The following ASB18 variants were observed in gnomAD, a reference collection of about 807,000 sequenced individuals.
ASB18 encodes ankyrin repeat and SOCS box protein 18.
A neutral mutation model predicts 33.4 loss-of-function variants in ASB18; 33 were observed. The observed-to-expected ratio is 0.99, with a 90% CI of 0.75 to 1.32. The LOEUF (loss-of-function observed/expected upper bound fraction) is 1.32. ASB18 is among the 40% of genes most tolerant of loss of function. The pLI, the probability that ASB18 is intolerant of heterozygous loss-of-function variation, is 0.00. For synonymous variants in ASB18, 295 were observed against 307.6 expected (o/e 0.96, Z 0.43); for missense variants, 694 against 655.5 (o/e 1.06, Z -0.64).
At chr2:236,197,257 C>CA (rs2060378670) in intron 4 of ASB18, among the ~76,000 whole-genome samples, 1 of 152,134 alleles carries the variant, frequency 6.6e-6, no homozygotes, top group African/African-American at 2.4e-5. Flanking sequence ...CATATACAAT[C>CA]AGTGTTTAAA....
rs1290937468 is a variant in ASB18 at position 236,248,490 on chromosome 2, G to A, written c.206-7088C>T. ...CGCCTGTAGTCCCAGCTTCTTGGGAGGCTGAGGCAGGAGAATTGCTTGAAC... is the reference window on the plus strand; with the variant it reads ...CGCCTGTAGTCCCAGCTTCTTGGGAAGCTGAGGCAGGAGAATTGCTTGAAC... On this transcript the variant is annotated intron_variant, in intron 1 of 5. Coordinates refer to ENST00000409749, the MANE Select transcript of ASB18 (RefSeq NM_212556.4). This position sits in a 1 kb window ranked among gnomAD's most constrained non-coding sequence, Gnocchi z 4.9. 6.6e-6 allele frequency: 1 copy of A among 152,284 alleles called. No individual in the cohort carries two copies. The highest frequency in any genetic ancestry group is 1.5e-5 in the Non-Finnish European group (1 of 68,156). The allele number at this position is 152,284 out of a possible 1,614,324, so 9.4% of individuals were successfully genotyped here. A position where few individuals can be genotyped will look rare whatever the true frequency, so the allele number is the denominator to read the frequency against.
At position 236,230,660 on chromosome 2, in the gene ASB18, T is replaced by C. The variant is rs1576403978; in HGVS notation, c.596+7029A>G. 3.3e-5 allele frequency among the ~76,000 whole-genome samples: 5 copies of C among 151,010 alleles called. No homozygotes were observed. The South Asian group carries it at 1.1e-3, about 32-fold the overall frequency. ...GAAGTAGAATAGTATTACCTGAGGG[T>C]AGAGTGTGATAAAATAAAGATGTAT... is the stretch of plus-strand genomic sequence containing the variant. On this transcript the variant is annotated intron_variant, in intron 3 of 5. Coordinates refer to ENST00000409749, the MANE Select transcript of ASB18 (RefSeq NM_212556.4).
Position 236,200,424 on chromosome 2 carries a change from T to C in ASB18, c.1102-4039A>G, listed in dbSNP as rs532705795. On this transcript the variant is annotated intron_variant, in intron 4 of 5. Coordinates refer to ENST00000409749, the MANE Select transcript of ASB18 (RefSeq NM_212556.4). The surrounding 1 kb of genome is among the most constrained non-coding windows in gnomAD (Gnocchi z 4.2). The stretch of plus-strand genomic sequence containing the variant: ...TTGATACAGGAACTATTTAACCAGA[T>C]GTGGGTACAAGGAAACTGACAAGGG... Among the ~76,000 whole-genome samples, 1 of 152,138 alleles carries C rather than the reference T, an allele frequency of 6.6e-6. No individual in the cohort carries two copies. The highest frequency in any genetic ancestry group is 1.5e-5 in the Non-Finnish European group (1 of 68,026).
Position 236,193,835 on chromosome 2 carries a change from T to C in ASB18, c.*1037A>G, listed in dbSNP as rs536515702. 2.0e-5 allele frequency among the ~76,000 whole-genome samples: 3 copies of C among 152,196 alleles called. No homozygotes were observed. The highest frequency in any genetic ancestry group is 6.5e-5 in the Admixed American group (1 of 15,284). The stretch of plus-strand genomic sequence containing the variant: ...TTCCTGGGCAAGGCCACTGTCTGTA[T>C]GGGTTTTCTCTGGGTGCTCCAGTTC... On this transcript the variant is annotated 3_prime_UTR_variant, in exon 6 of 6. Coordinates refer to ENST00000409749, the MANE Select transcript of ASB18 (RefSeq NM_212556.4). This position sits in a 1 kb window ranked among gnomAD's most constrained non-coding sequence, Gnocchi z 5.0.
Position 236,237,820 on chromosome 2 carries a change from G to C in ASB18, c.465C>G (p.Ala155=). The change falls in exon 3 of 6, where the codon GCC becomes GCG. Residue 155 remains alanine, a synonymous_variant. Coordinates refer to ENST00000409749, the MANE Select transcript of ASB18 (RefSeq NM_212556.4). This position sits in a 1 kb window ranked among gnomAD's most constrained non-coding sequence, Gnocchi z 6.2. ...GGCCCCCGAGGCAGGCCTCGTGCAG[G>C]GCGCCGCGGCCGCCGGGGCTGGCGT... The part of the protein sequence containing the change: ...DPDASPGGRG[A]LHEACLGGHT... The C allele has an allele frequency of 7.3e-7, 1 of 1,374,774 alleles. No individual in the cohort carries two copies. The highest frequency in any genetic ancestry group is 9.3e-7 in the Non-Finnish European group (1 of 1,075,078). 85.2% of individuals were successfully genotyped at this position (1,374,774 alleles called of 1,614,324 possible).
Position 236,228,588 on chromosome 2 carries a change from G to A in ASB18, c.596+9101C>T, listed in dbSNP as rs1277339442. ...ATATGTCAAATATTTTGTGTGCATA[G>A]AGGTTGAGAGTGTGGGCTGGTGGAT... is the stretch of plus-strand genomic sequence containing the variant. On this transcript the variant is annotated intron_variant, in intron 3 of 5. Coordinates refer to ENST00000409749, the MANE Select transcript of ASB18 (RefSeq NM_212556.4). The surrounding 1 kb of genome is among the most constrained non-coding windows in gnomAD (Gnocchi z 5.1). Among the ~76,000 whole-genome samples the A allele has an allele frequency of 6.6e-6, 1 of 152,208 alleles. No individual in the cohort carries two copies. Among genetic ancestry groups the A allele is most frequent in the African/African-American group, 2.4e-5 (1 of 41,462 alleles).
At chr2:236,201,293 A>G (rs2060400573) in intron 4 of ASB18, among the ~76,000 whole-genome samples, 1 of 152,140 alleles carries the variant, frequency 6.6e-6, no homozygotes, top group Admixed American at 6.6e-5. Context: ...CTGGGACTAC[A>G]GGTGCATGCC....
chr2:236,225,908 G>C lies in ASB18; in HGVS notation c.597-11042C>G, dbSNP rs1212570012. ...GAGCAGAACGGGGTCCCTAGGTGTG[G>C]AGACCATTGTCATCAAGAGTCAGAA... On this transcript the variant is annotated intron_variant, in intron 3 of 5. Coordinates refer to ENST00000409749, the MANE Select transcript of ASB18 (RefSeq NM_212556.4). The surrounding 1 kb of genome is among the most constrained non-coding windows in gnomAD (Gnocchi z 5.1). 6.6e-6 allele frequency among the ~76,000 whole-genome samples: 1 copy of C among 152,146 alleles called. No homozygotes were observed. The highest frequency in any genetic ancestry group is 2.4e-5 in the African/African-American group (1 of 41,428).
rs1463319833 is a variant in ASB18, at chr2:236,217,402, G to A, written c.597-2536C>T. ...ATCCAGCCTGGGGGCAACAGAGCGA[G>A]ACTCTGTCTCAAAAAAAAAAAAAAA... On this transcript the variant is annotated intron_variant, in intron 3 of 5. Transcript: ENST00000409749. This position sits in a 1 kb window ranked among gnomAD's most constrained non-coding sequence, Gnocchi z 5.2. Among the ~76,000 whole-genome samples, 2 of 137,694 alleles carry A rather than the reference G, an allele frequency of 1.5e-5. No individual in the cohort carries two copies. The highest frequency in any genetic ancestry group is 3.1e-5 in the African/African-American group (1 of 31,824). 90.3% of individuals were successfully genotyped at this position (137,694 alleles called of 152,430 possible).
At position 236,194,482 on chromosome 2, in the gene ASB18, A is replaced by T. The variant is rs917154478; in HGVS notation, c.*390T>A. ...CTGTAGGAACATCATTCTTGTTTAT[A>T]TCAATTAACCTTGGGAAAACTGGCA... On this transcript the variant is annotated 3_prime_UTR_variant, in exon 6 of 6. Transcript: ENST00000409749. This position sits in a 1 kb window ranked among gnomAD's most constrained non-coding sequence, Gnocchi z 4.5. 1.3e-5 allele frequency among the ~76,000 whole-genome samples: 2 copies of T among 152,172 alleles called. No homozygotes were observed. Among genetic ancestry groups the T allele is most frequent in the African/African-American group, 4.8e-5 (2 of 41,446 alleles).
At chr2:236,212,342 T>C (rs1479562544) in intron 4 of ASB18, among the ~76,000 whole-genome samples, 1 of 152,120 alleles carries the variant, frequency 6.6e-6, no homozygotes, top group Non-Finnish European at 1.5e-5. Context: ...GGCAGTGTAA[T>C]TTCTACAGCC....
At chr2:236,258,091 C>T (rs1033216279) in intron 1 of ASB18, among the ~76,000 whole-genome samples, 4 of 152,216 alleles carry the variant, frequency 2.6e-5, no homozygotes, top group African/African-American at 9.7e-5. Context: ...CATATGAGTT[C>T]GTAAACCAGC....
chr2:236,214,002 G>A lies in ASB18; in HGVS notation c.1101+360C>T, dbSNP rs762582179. ...TGATGATGAGCTGCCAAAATATTTT[G>A]AGCTCTGACTGCATCATCGAAATAA... On this transcript the variant is annotated intron_variant, in intron 4 of 5. Coordinates refer to ENST00000409749, the MANE Select transcript of ASB18 (RefSeq NM_212556.4). This position sits in a 1 kb window ranked among gnomAD's most constrained non-coding sequence, Gnocchi z 6.5. 1 of 225,216 alleles carries A rather than the reference G, an allele frequency of 4.4e-6. No homozygotes were observed. Among genetic ancestry groups the A allele is most frequent in the Non-Finnish European group, 8.7e-6 (1 of 115,368 alleles). 14.0% of individuals were successfully genotyped at this position (225,216 alleles called of 1,614,324 possible).
In ASB18 at chr2:236,252,267, TCACACACA is replaced by T. The variant is rs113672805; in HGVS notation, c.206-10873_206-10866del. Reference sequence around the variant, plus strand: ...GCCTTGGCAACAGAGTGAGACTCCGTCACACACACACACACACACACACACACACACAC... The same window carrying T: ...GCCTTGGCAACAGAGTGAGACTCCGTCACACACACACACACACACACACAC... On this transcript the variant is annotated intron_variant, in intron 1 of 5. Coordinates refer to ENST00000409749, the MANE Select transcript of ASB18 (RefSeq NM_212556.4). This position sits in a 1 kb window ranked among gnomAD's most constrained non-coding sequence, Gnocchi z 7.9. 0.033 allele frequency among the ~76,000 whole-genome samples: 4,641 copies of T among 138,628 alleles called. 286 individuals carry two copies. Among genetic ancestry groups the T allele is most frequent in the African/African-American group, 0.11 (4,330 of 38,840 alleles). 90.9% of individuals were successfully genotyped at this position (138,628 alleles called of 152,430 possible).
rs1239354903 is a variant in ASB18, at chr2:236,228,311, G to A, written c.596+9378C>T. Among the ~76,000 whole-genome samples, 1 of 150,666 alleles carries A rather than the reference G, an allele frequency of 6.6e-6. No individual in the cohort carries two copies. Among genetic ancestry groups the A allele is most frequent in the East Asian group, 1.9e-4 (1 of 5,172 alleles). On this transcript the variant is annotated intron_variant, in intron 3 of 5. Transcript: ENST00000409749. The surrounding 1 kb of genome is among the most constrained non-coding windows in gnomAD (Gnocchi z 5.1). ...CAAAGGGCCTCTGGGCTCTCAGGCTGAGGGTTCTATGAAGGGGACCCCAGC... is the reference window on the plus strand; with the variant it reads ...CAAAGGGCCTCTGGGCTCTCAGGCTAAGGGTTCTATGAAGGGGACCCCAGC...
rs1337082031 is a variant in ASB18, at chr2:236,229,578, A to G, written c.596+8111T>C. ...GAAAACTTGCCTGGCATGGTGGCTC[A>G]CACCTCTAATCCCAGCACTTTGAGA... On this transcript the variant is annotated intron_variant, in intron 3 of 5. Transcript: ENST00000409749. This position sits in a 1 kb window ranked among gnomAD's most constrained non-coding sequence, Gnocchi z 5.2. 6.6e-6 allele frequency among the ~76,000 whole-genome samples: 1 copy of G among 152,184 alleles called. No individual in the cohort carries two copies. Among genetic ancestry groups the G allele is most frequent in the Non-Finnish European group, 1.5e-5 (1 of 68,024 alleles).
Position 236,259,406 on chromosome 2 carries a change from C to T in ASB18, c.205+4735G>A, listed in dbSNP as rs537095768. On this transcript the variant is annotated intron_variant, in intron 1 of 5. Coordinates refer to ENST00000409749, the MANE Select transcript of ASB18 (RefSeq NM_212556.4). This position sits in a 1 kb window ranked among gnomAD's most constrained non-coding sequence, Gnocchi z 4.4. ...GAGGTTCTGGCCCTAGAAGAGGTGG[C>T]ATTCAGGTTTGAATTATCCAGTTGG... 3 of 418,644 alleles carry T rather than the reference C, an allele frequency of 7.2e-6. No individual in the cohort carries two copies. The highest frequency in any genetic ancestry group is 2.0e-5 in the African/African-American group (1 of 49,476). The allele number at this position is 418,644 out of a possible 1,614,324, so 25.9% of individuals were successfully genotyped here.
In ASB18 at chr2:236,221,821, G is replaced by A. The variant is rs2060514249; in HGVS notation, c.597-6955C>T. On this transcript the variant is annotated intron_variant, in intron 3 of 5. Transcript: ENST00000409749. This position sits in a 1 kb window ranked among gnomAD's most constrained non-coding sequence, Gnocchi z 5.6. Reference sequence around the variant, plus strand: ...GAGCACTACACAGTGTGTTCAGTGGGGGTAATGGGTGTTATGAGCTCGTCT... The same window carrying A: ...GAGCACTACACAGTGTGTTCAGTGGAGGTAATGGGTGTTATGAGCTCGTCT... Among the ~76,000 whole-genome samples, 1 of 152,104 alleles carries A rather than the reference G, an allele frequency of 6.6e-6. No homozygotes were observed. The highest frequency in any genetic ancestry group is 6.5e-5 in the Admixed American group (1 of 15,284).
Position 236,239,005 on chromosome 2 carries a change from A to G in ASB18, c.329-1049T>C, listed in dbSNP as rs1045375314. ...AGGCCCAGCCTGGAGCTTGTTGTGCACTCAGTGGGGGAAGGGGGGCCTGTG... is the reference window on the plus strand; with the variant it reads ...AGGCCCAGCCTGGAGCTTGTTGTGCGCTCAGTGGGGGAAGGGGGGCCTGTG... On this transcript the variant is annotated intron_variant, in intron 2 of 5. Transcript: ENST00000409749. This position sits in a 1 kb window ranked among gnomAD's most constrained non-coding sequence, Gnocchi z 5.6. Among the ~76,000 whole-genome samples, 1 of 151,978 alleles carries G rather than the reference A, an allele frequency of 6.6e-6. No homozygotes were observed.
Sources: gnomAD v4.1 joint callset for allele counts (sites outside exome capture counted in the v4.1 genomes callset) on GRCh38, gnomAD v4.1.1 for gene constraint, Gnocchi (gnomAD v3.1) non-coding constraint, MANE v1.5 for transcripts, NCBI Gene and HGNC (gene_info 2026-07-23, HGNC 2026-07-21) for gene names.